STARD9: variants seen among roughly 807,000 people sequenced by gnomAD.
The protein encoded by STARD9 is StAR related lipid transfer domain containing 9, also known as stAR-related lipid transfer protein 9.
A neutral mutation model predicts 399.8 loss-of-function variants in STARD9; 346 were observed. The observed-to-expected ratio is 0.87, with a 90% CI of 0.79 to 0.95. The LOEUF (loss-of-function observed/expected upper bound fraction) is 0.95, where lower values mean the gene tolerates loss of function less well. STARD9 is among the 40% of genes least tolerant of loss of function. The pLI is 0.00. For synonymous variants in STARD9, 2,203 were observed against 2,143.5 expected (o/e 1.03, Z -0.77); for missense variants, 5,832 against 5,667.5 (o/e 1.03, Z -0.93).
At chr15:42,669,429 A>G (rs2060164903) in intron 16 of STARD9, 92 bp downstream of exon 16, 8 of 1,186,120 alleles carry the variant, frequency 6.7e-6, no homozygotes, top group Admixed American at 4.9e-5. Context: ...GTTACTGTGA[A>G]TTGAAATCAA....
At chr15:42,712,003 A>C (rs1246971736) in intron 26 of STARD9, among the ~76,000 whole-genome samples, 2 of 126,392 alleles carry the variant, frequency 1.6e-5, no homozygotes, top group African/African-American at 3.1e-5. Context: ...GTGGATCGGA[A>C]GTAGTACCTT....
At position 42,688,567 on chromosome 15, in the gene STARD9, A is replaced by G. The variant is rs1290725456; in HGVS notation, c.6989A>G (p.Asp2330Gly). ...TTCTGTACAGCTCCTCTTCACCAAGACCTGAGTAATACCTTGCCCTTGAAT... is the reference window on the plus strand; with the variant it reads ...TTCTGTACAGCTCCTCTTCACCAAGGCCTGAGTAATACCTTGCCCTTGAAT... ...TEFCTAPLHQ[D>G]LSNTLPLNSP... The change falls in exon 23 of 33, where the codon GAC becomes GGC. Residue 2330 changes from aspartate (D) to glycine (G), a missense_variant. By Grantham distance (94) the Asp-to-Gly change is moderately conservative. This residue lies in a region of STARD9 where 5,828 missense variants were observed against 5,651.1 expected (regional missense o/e 1.03). Coordinates refer to ENST00000290607, the MANE Select transcript of STARD9 (RefSeq NM_020759.3). The G allele has an allele frequency of 6.5e-7, 1 of 1,537,578 alleles. No individual in the cohort carries two copies. Among genetic ancestry groups the G allele is most frequent in the Non-Finnish European group, 8.7e-7 (1 of 1,147,036 alleles).
chr15:42,714,058 ATTTTTTTTTTTT>A (rs35057586), intron 26 of STARD9, among the ~76,000 whole-genome samples: 1 of 119,176 alleles, frequency 8.4e-6, no homozygotes, highest in Non-Finnish European at 1.7e-5. Context: ...ATGCACTAAG[ATTTTTTTTTTTT>A]TTTTTTTTTT....
At chr15:42,575,899 A>G in intron 1 of STARD9, 137 bp downstream of exon 1, 1 of 965,530 alleles carries the variant, frequency 1.0e-6, no homozygotes, top group Non-Finnish European at 1.6e-6. Context: ...TCCGGAATCC[A>G]CGGAGGCCTG....
intron 26 of STARD9, among the ~76,000 whole-genome samples, chr15:42,699,922 G>T (rs576523100): frequency 6.6e-6 from 1 of 152,136 alleles, no homozygotes; most frequent in South Asian, 2.1e-4. Context: ...AGCTAGGCTG[G>T]TCTCAAACTC....
chr15:42,669,549 C>G (rs575816891), intron 16 of STARD9: 451 of 412,122 alleles, frequency 1.1e-3, no homozygotes, highest in Non-Finnish European at 1.7e-3. Context: ...GAAATCAGAA[C>G]AATTGTTTTT....
At chr15:42,610,691 C>T (rs1348782043) in intron 3 of STARD9, among the ~76,000 whole-genome samples, 5 of 152,136 alleles carry the variant, frequency 3.3e-5, no homozygotes, top group African/African-American at 1.2e-4. Context: ...GGATTACAGG[C>T]ACCCGCCACC....
intron 9 of STARD9, among the ~76,000 whole-genome samples, chr15:42,658,185 C>A (rs764264011): frequency 6.6e-6 from 1 of 152,084 alleles, no homozygotes. Context: ...CACTCTGTCA[C>A]CCAGGCTAGA....
intron 8 of STARD9, among the ~76,000 whole-genome samples, chr15:42,651,758 C>G (rs994373566): frequency 2.6e-5 from 4 of 152,104 alleles, no homozygotes; most frequent in African/African-American, 9.7e-5. Flanking sequence ...CTTCATGGAA[C>G]TCTCCTGGAG....
chr15:42,711,476 A>G (rs2061223116), intron 26 of STARD9, among the ~76,000 whole-genome samples: 1 of 152,148 alleles, frequency 6.6e-6, no homozygotes, highest in Admixed American at 6.5e-5. Flanking sequence ...TAGTCATTGG[A>G]TTTAGGGACC....
At chr15:42,663,958 C>A (rs1411541633) in intron 13 of STARD9, 41 bp downstream of exon 13, 1 of 1,299,348 alleles carries the variant, frequency 7.7e-7, no homozygotes, top group East Asian at 2.5e-5. Context: ...ATAGTTTACA[C>A]AAAGCTTTCC....
chr15:42,694,411 T>C (rs775889837), intron 23 of STARD9, 69 bp downstream of exon 23: 296 of 1,530,558 alleles, frequency 1.9e-4, no homozygotes, highest in Non-Finnish European at 2.5e-4. Flanking sequence ...CCAAGAAAGC[T>C]AATAGCTTGC....
At chr15:42,646,874 G>C (rs780461215) in intron 7 of STARD9, among the ~76,000 whole-genome samples, 2 of 152,172 alleles carry the variant, frequency 1.3e-5, no homozygotes, top group Non-Finnish European at 2.9e-5. Context: ...CTTTCACTTG[G>C]ACACTTAAAG....
intron 22 of STARD9, 82 bp from the exon 23 acceptor site, chr15:42,684,034 C>T (rs2060491216): frequency 7.1e-7 from 1 of 1,417,298 alleles, no homozygotes. Context: ...GACAGTGACA[C>T]TGGCCTTGTT....
Position 42,663,455 on chromosome 15 carries a change from G to A in STARD9, c.1043G>A (p.Ser348Asn). The A allele has an allele frequency of 6.5e-7, 1 of 1,537,300 alleles. No homozygotes were observed. Residue 348 changes from serine (S) to asparagine (N), a missense_variant, in exon 12 of 33, where the codon AGC becomes AAC. Transcript: ENST00000290607. ...DSVLTWLLKD[S>N]LGGNSKTIMV... Reference sequence around the variant, plus strand: ...GTGTTGACCTGGCTGCTGAAGGACAGCCTTGGAGGCAACTCTAAAACCATC... The same window carrying A: ...GTGTTGACCTGGCTGCTGAAGGACAACCTTGGAGGCAACTCTAAAACCATC...
chr15:42,709,143 C>T (rs1039453536), intron 26 of STARD9, among the ~76,000 whole-genome samples: 3 of 152,044 alleles, frequency 2.0e-5, no homozygotes, highest in African/African-American at 7.2e-5. Flanking sequence ...CGCCTGTAAT[C>T]CCAGTGCTTT....
At chr15:42,587,680 C>T (rs1455658382) in intron 3 of STARD9, among the ~76,000 whole-genome samples, 6 of 152,214 alleles carry the variant, frequency 3.9e-5, no homozygotes, top group African/African-American at 9.6e-5. Flanking sequence ...ATTCTCCTGC[C>T]TCAGCCTTCT....
At chr15:42,617,818 A>G (rs746712260) in intron 3 of STARD9, among the ~76,000 whole-genome samples, 14 of 152,276 alleles carry the variant, frequency 9.2e-5, no homozygotes, top group Non-Finnish European at 1.9e-4. Flanking sequence ...CAGTGGCACG[A>G]TTATAGCCCA....
At chr15:42,630,842 G>A (rs1482980266) in intron 3 of STARD9, among the ~76,000 whole-genome samples, 1 of 151,706 alleles carries the variant, frequency 6.6e-6, no homozygotes, top group East Asian at 1.9e-4. Context: ...AAGGCTTATC[G>A]ATTTTATCTT....
Sources: allele counts gnomAD v4.1 joint callset (sites outside exome capture counted in the v4.1 genomes callset), GRCh38; gene constraint gnomAD v4.1.1; regional missense constraint gnomAD v4.1.1; transcripts MANE v1.5; gene names NCBI Gene and HGNC (gene_info 2026-07-23, HGNC 2026-07-21).